Variants in DLGAP4 observed in about 807,000 individuals in gnomAD.
DLGAP4 encodes DLG associated protein 4, also known as disks large-associated protein 4.
In DLGAP4, 18 loss-of-function variants were observed where a neutral mutation model predicts 86.9. That is an observed-to-expected ratio of 0.21 (90% CI 0.14 to 0.31). The LOEUF (loss-of-function observed/expected upper bound fraction) is 0.31, where lower values mean the gene tolerates loss of function less well. DLGAP4 is among the 10% of genes least tolerant of loss of function. DLGAP4 has a pLI of 1.00. For missense variants in DLGAP4, 1,085 were observed against 1,362.6 expected (o/e 0.80, Z 3.21); for synonymous variants, 548 against 574.3 (o/e 0.95, Z 0.65).
chr20:36,435,487 C>T (rs757454532), intron 3 of DLGAP4, among the ~76,000 whole-genome samples: 9 of 152,232 alleles, frequency 5.9e-5, no homozygotes, highest in African/African-American at 1.9e-4. Flanking sequence ...CCCCGTTCCA[C>T]GGACGGAGTC....
intron 2 of DLGAP4, among the ~76,000 whole-genome samples, chr20:36,388,600 C>T (rs1319361451): frequency 2.0e-5 from 3 of 152,208 alleles, no homozygotes; most frequent in African/African-American, 7.2e-5. Context: ...TTGAGTCAGA[C>T]ACATTGAGTT....
intron 7 of DLGAP4, among the ~76,000 whole-genome samples, chr20:36,479,645 A>C (rs2035096102): frequency 2.0e-5 from 3 of 152,150 alleles, no homozygotes; most frequent in Non-Finnish European, 2.9e-5. Flanking sequence ...TTCAGGCAGC[A>C]CAGAGGCCTG....
In DLGAP4 at chr20:36,432,720, G is replaced by T. The variant is rs2033162660; in HGVS notation, c.999+4G>T. 1 of 1,612,196 alleles carries T rather than the reference G, an allele frequency of 6.2e-7. No homozygotes were observed. Among genetic ancestry groups the T allele is most frequent in the Non-Finnish European group, 8.5e-7 (1 of 1,179,338 alleles). On this transcript the variant is annotated splice_donor_region_variant and intron_variant, in intron 3 of 12. Coordinates refer to ENST00000339266, the MANE Select transcript of DLGAP4 (RefSeq NM_001365621.2). The surrounding 1 kb of genome is among the most constrained non-coding windows in gnomAD (Gnocchi z 6.5). ...TCTAGCCTACCATTACCTGCAGGTG[G>T]GTCTCTGGCAGGGTCAGGGGTGGGA...
chr20:36,524,221 TC>T, intron 10 of DLGAP4, 28 bp from the exon 11 acceptor site: 1 of 1,589,952 alleles, frequency 6.3e-7, no homozygotes, highest in Non-Finnish European at 8.6e-7. Context: ...CTGTGCTAAA[TC>T]AGTCTTTTTC....
At chr20:36,386,725 T>C (rs1378891333) in intron 2 of DLGAP4, among the ~76,000 whole-genome samples, 1 of 152,078 alleles carries the variant, frequency 6.6e-6, no homozygotes, top group Non-Finnish European at 1.5e-5. Context: ...CCTGGGGGAC[T>C]ATAGGTGTGC....
chr20:36,368,842 T>C (rs1432547936), intron 2 of DLGAP4, among the ~76,000 whole-genome samples: 1 of 152,222 alleles, frequency 6.6e-6, no homozygotes, highest in Non-Finnish European at 1.5e-5. Flanking sequence ...TTCAATTAAA[T>C]TCCCCCATAA....
At chr20:36,463,503 T>C (rs1326635118) in intron 7 of DLGAP4, among the ~76,000 whole-genome samples, 1 of 152,198 alleles carries the variant, frequency 6.6e-6, no homozygotes. Context: ...CACTACCTGG[T>C]TATTCGAGAA....
chr20:36,393,720 C>T lies in DLGAP4; in HGVS notation c.-73+26445C>T, dbSNP rs2031857523. Among the ~76,000 whole-genome samples the T allele has an allele frequency of 6.6e-6, 1 of 152,158 alleles. No individual in the cohort carries two copies. Among genetic ancestry groups the T allele is most frequent in the Non-Finnish European group, 1.5e-5 (1 of 68,028 alleles). On this transcript the variant is annotated intron_variant, in intron 2 of 12. Coordinates refer to ENST00000339266, the MANE Select transcript of DLGAP4 (RefSeq NM_001365621.2). The surrounding 1 kb of genome is among the most constrained non-coding windows in gnomAD (Gnocchi z 4.4). ...GAAAGGGGGGCTCTGTGCCTGCACC[C>T]TTTGTGGCACTTTAGCCATATTGTC... is the stretch of plus-strand genomic sequence containing the variant.
chr20:36,503,021 G>A (rs866081403), intron 10 of DLGAP4, among the ~76,000 whole-genome samples: 2 of 152,230 alleles, frequency 1.3e-5, no homozygotes, highest in Middle Eastern at 3.4e-3. Flanking sequence ...CACCATGCCT[G>A]GCCACCTTGT....
intron 10 of DLGAP4, among the ~76,000 whole-genome samples, chr20:36,520,838 GTTTT>G (rs570339239): frequency 1.4e-3 from 197 of 144,374 alleles, no homozygotes; most frequent in South Asian, 4.4e-3. Context: ...TCATCTGAGA[GTTTT>G]GTTTGTTTGA....
chr20:36,430,672 A>AG (rs573385120), intron 2 of DLGAP4, among the ~76,000 whole-genome samples: 3,987 of 130,428 alleles, frequency 0.031, 90 homozygotes, highest in Non-Finnish European at 0.046. Context: ...AAAAAAAAAA[A>AG]GGCCAGGCAT....
intron 2 of DLGAP4, among the ~76,000 whole-genome samples, chr20:36,403,431 G>A (rs4812865): frequency 0.85 from 129,430 of 152,242 alleles, 55,634 homozygotes; most frequent in East Asian, 1. Flanking sequence ...CGAACAGTCA[G>A]ACCATAGCAG....
chr20:36,320,558 G>T (rs1569453981), intron 1 of DLGAP4, among the ~76,000 whole-genome samples: 6 of 152,160 alleles, frequency 3.9e-5, no homozygotes. Context: ...CTTGCTGCAT[G>T]CCCTGCATTG....
At chr20:36,368,992 A>G (rs2030808485) in intron 2 of DLGAP4, among the ~76,000 whole-genome samples, 1 of 152,176 alleles carries the variant, frequency 6.6e-6, no homozygotes, top group Admixed American at 6.5e-5. Context: ...AACGCAGCAG[A>G]GCAGACAGCC....
chr20:36,386,239 G>T (rs1267939659), intron 2 of DLGAP4, among the ~76,000 whole-genome samples: 2 of 152,094 alleles, frequency 1.3e-5, no homozygotes, highest in Non-Finnish European at 2.9e-5. Context: ...GTGGGGCCAG[G>T]GTCAGGGGTC....
intron 8 of DLGAP4, chr20:36,499,085 C>A: frequency 1.4e-6 from 1 of 727,512 alleles, no homozygotes; most frequent in African/African-American, 1.8e-5. Flanking sequence ...CTGGCCTGCC[C>A]TCCAGGTTTC....
rs1018463725 is a variant in DLGAP4, at chr20:36,313,931, C to A, written c.-304+7419C>A. Among the ~76,000 whole-genome samples the A allele has an allele frequency of 5.3e-5, 8 of 152,252 alleles. No individual in the cohort carries two copies. The East Asian group carries it at 1.4e-3, about 26-fold the overall frequency. On this transcript the variant is annotated intron_variant, in intron 1 of 12. Coordinates refer to ENST00000339266, the MANE Select transcript of DLGAP4 (RefSeq NM_001365621.2). ...GAGTCAGGAGGTGATGTTGGGGTTG[C>A]CTTACCCTTCTCTGAGCCCCACCTG...
intron 2 of DLGAP4, among the ~76,000 whole-genome samples, chr20:36,392,728 G>A (rs1359836514): frequency 6.6e-6 from 1 of 152,184 alleles, no homozygotes; most frequent in Non-Finnish European, 1.5e-5. Flanking sequence ...CACCTACTAG[G>A]TTTCAGGTAC....
At chr20:36,404,000 G>C (rs1353507853) in intron 2 of DLGAP4, among the ~76,000 whole-genome samples, 1 of 152,186 alleles carries the variant, frequency 6.6e-6, no homozygotes, top group Admixed American at 6.5e-5. Flanking sequence ...TCATAGTCTA[G>C]CTCTGAAAGT....
Sources: allele counts gnomAD v4.1 joint callset (sites outside exome capture counted in the v4.1 genomes callset), GRCh38; gene constraint gnomAD v4.1.1; non-coding constraint Gnocchi (gnomAD v3.1); transcripts MANE v1.5; gene names NCBI Gene and HGNC (gene_info 2026-07-23, HGNC 2026-07-21).